The following ANK2 variants were observed in gnomAD, a reference collection of about 807,000 sequenced individuals.
ANK2 encodes ankyrin 2.
A neutral mutation model predicts 360.5 loss-of-function variants in ANK2; 83 were observed. The ratio of observed to expected loss-of-function variants is 0.23; its 90% CI spans 0.19 to 0.28. ANK2 has a LOEUF of 0.28. Ranked by LOEUF, ANK2 falls within the 10% of genes least tolerant of loss-of-function variation. The probability of loss-of-function intolerance (pLI) is 1.00; values close to 1 mark genes in which losing one functional copy is unlikely to be tolerated. For missense variants in ANK2, 4,201 were observed against 4,795.7 expected (o/e 0.88, Z 3.66); for synonymous variants, 1,740 against 1,759.5 (o/e 0.99, Z 0.28).
At chr4:113,331,838 A>C (rs4288009) in intron 27 of ANK2, 134 bp from the exon 28 acceptor site, 1 of 833,926 alleles carries the variant, frequency 1.2e-6, no homozygotes, top group African/African-American at 1.7e-5. Flanking sequence ...TGACCAATGG[A>C]GGGGGCAGAA....
intron 2 of ANK2, among the ~76,000 whole-genome samples, chr4:112,929,364 T>G (rs1057382362): frequency 2.6e-5 from 4 of 152,236 alleles, no homozygotes; most frequent in African/African-American, 4.8e-5. Flanking sequence ...ATTAATTCAT[T>G]AAGTAAATAT....
the ANK2 span, chr4:112,797,623 C>T: frequency 0.09 from 14,621 of 162,834 alleles, 933 homozygotes; most frequent in African/African-American, 0.18. Context: ...AGTTGTTCTC[C>T]CTGGTAATAT....
the ANK2 span, among the ~76,000 whole-genome samples, chr4:112,773,568 AC>A: frequency 6.6e-6 from 1 of 152,168 alleles, no homozygotes; most frequent in Non-Finnish European, 1.5e-5. Context: ...TTGGGAATCC[AC>A]TTTTTTGGGG....
chr4:113,000,849 G>A (rs559013725), intron 2 of ANK2, among the ~76,000 whole-genome samples: 7 of 152,002 alleles, frequency 4.6e-5, no homozygotes, highest in Non-Finnish European at 7.4e-5. Flanking sequence ...CATCATCCTC[G>A]TACCCAAACC....
At chr4:113,315,813 G>GGC (rs1554483339) in intron 24 of ANK2, among the ~76,000 whole-genome samples, 4 of 149,600 alleles carry the variant, frequency 2.7e-5, no homozygotes, top group East Asian at 2.0e-4. Flanking sequence ...GCAGGAGAAT[G>GGC]GTGAACCTGG....
chr4:112,826,166 G>A (rs1325341464), intron 1 of ANK2: 1 of 279,278 alleles, frequency 3.6e-6, no homozygotes, highest in African/African-American at 2.2e-5. Flanking sequence ...ACATTTCACA[G>A]ATGGTAAGAT....
At chr4:113,149,504 A>G (rs1255199346) in intron 1 of ANK2, among the ~76,000 whole-genome samples, 1 of 152,178 alleles carries the variant, frequency 6.6e-6, no homozygotes, top group African/African-American at 2.4e-5. Context: ...CAAAAGTGTA[A>G]TGGAAATTAC....
chr4:112,883,868 A>G (rs930923822), intron 1 of ANK2, among the ~76,000 whole-genome samples: 5 of 142,226 alleles, frequency 3.5e-5, no homozygotes, highest in Admixed American at 1.4e-4. Context: ...TCATATATAT[A>G]TGTATATATA....
intron 2 of ANK2, among the ~76,000 whole-genome samples, chr4:112,958,000 G>A (rs1380335901): frequency 6.6e-6 from 1 of 150,594 alleles, no homozygotes; most frequent in African/African-American, 2.4e-5. Context: ...GACGATGGGC[G>A]GCGGGGCAGA....
At position 113,287,649 on chromosome 4, in the gene ANK2, G is replaced by T. The variant is rs890376609; in HGVS notation, c.2124G>T (p.Val708=). The change falls in exon 19 of 46, where the codon GTG becomes GTT. Residue 708 remains valine, a synonymous_variant. Coordinates refer to ENST00000357077, the MANE Select transcript of ANK2 (RefSeq NM_001148.6). ...SLHLAAQEDK[V]NVADILTKHG... is the part of the protein sequence containing the mutation. ...ACCTTGCAGCCCAGGAAGATAAAGT[G>T]AATGTTGCTGATATTCTCACCAAGC... The T allele has an allele frequency of 1.9e-6, 3 of 1,613,610 alleles. No individual in the cohort carries two copies. The highest frequency in any genetic ancestry group is 1.7e-6 in the Non-Finnish European group (2 of 1,179,598).
intron 1 of ANK2, among the ~76,000 whole-genome samples, chr4:113,145,277 T>C (rs1037441021): frequency 6.6e-6 from 1 of 151,842 alleles, no homozygotes; most frequent in Non-Finnish European, 1.5e-5. Context: ...GTAACAATAA[T>C]GAGAAAGAGT....
intron 2 of ANK2, among the ~76,000 whole-genome samples, chr4:112,968,804 T>C (rs2038336008): frequency 6.6e-6 from 1 of 152,220 alleles, no homozygotes; most frequent in South Asian, 2.1e-4. Flanking sequence ...AATTTAATAT[T>C]TTTACTTGCC....
At chr4:113,099,726 A>G (rs2101317) in intron 1 of ANK2, among the ~76,000 whole-genome samples, 73,524 of 151,896 alleles carry the variant, frequency 0.48, 18,811 homozygotes, top group African/African-American at 0.64. Flanking sequence ...ACTTAAGACA[A>G]TATAAAGCTA....
At chr4:113,252,356 C>G (rs1473506429) in intron 10 of ANK2, among the ~76,000 whole-genome samples, 1 of 152,060 alleles carries the variant, frequency 6.6e-6, no homozygotes, top group African/African-American at 2.4e-5. Context: ...ACAGCCAAAC[C>G]ATATTACCTT....
Position 113,282,898 on chromosome 4 carries a change from C to T in ANK2, c.2079+26C>T, listed in dbSNP as rs751286593. ...GTATTCTGTCCTTTCTTGCATCAAT[C>T]AAGAGTGTTTTGGATGCATGTAAAC... is the stretch of plus-strand genomic sequence containing the variant. On this transcript the variant is annotated intron_variant, in intron 18 of 45. Transcript: ENST00000357077. The T allele has an allele frequency of 1.9e-6, 3 of 1,611,362 alleles. No homozygotes were observed. The Admixed American group carries it at 5.0e-5, about 27-fold the overall frequency.
the ANK2 span, among the ~76,000 whole-genome samples, chr4:112,811,799 G>A: frequency 4.0e-3 from 612 of 152,180 alleles, 3 homozygotes; most frequent in African/African-American, 0.013. Context: ...TACTCCGGCC[G>A]GGCGCGGTGG....
intron 2 of ANK2, among the ~76,000 whole-genome samples, chr4:113,027,288 C>T (rs2059474920): frequency 6.6e-6 from 1 of 152,124 alleles, no homozygotes; most frequent in African/African-American, 2.4e-5. Flanking sequence ...CCATCGCTAA[C>T]TCACAGATTA....
chr4:113,316,219 GTTATA>G (rs567367070), intron 24 of ANK2, among the ~76,000 whole-genome samples: 2 of 152,204 alleles, frequency 1.3e-5, no homozygotes, highest in South Asian at 4.2e-4. Flanking sequence ...TAATTCTCAG[GTTATA>G]TTTAGATTTT....
At chr4:112,770,849 G>A in the ANK2 span, among the ~76,000 whole-genome samples, 1 of 152,200 alleles carries the variant, frequency 6.6e-6, no homozygotes, top group Non-Finnish European at 1.5e-5. Flanking sequence ...CCGCCCCATA[G>A]TGATACACTG....
Sources: gnomAD v4.1 joint callset for allele counts (sites outside exome capture counted in the v4.1 genomes callset) on GRCh38, gnomAD v4.1.1 for gene constraint, MANE v1.5 for transcripts, NCBI Gene and HGNC (gene_info 2026-07-23, HGNC 2026-07-21) for gene names.